The following SMARCA2 variants were observed in gnomAD, a reference collection of about 807,000 sequenced individuals.
SMARCA2 encodes SWI/SNF-related matrix-associated actin-dependent regulator of chromatin subfamily A member 2.
A neutral mutation model predicts 199.8 loss-of-function variants in SMARCA2; 61 were observed. The observed-to-expected ratio is 0.31, with a 90% confidence interval of 0.25 to 0.38. The LOEUF is 0.38. SMARCA2 is among the 10% of genes least tolerant of loss of function. SMARCA2 has a pLI of 1.00. For missense variants in SMARCA2, 1,344 were observed against 2,012.2 expected, an observed-to-expected ratio of 0.67 and a Z score of 6.35; for synonymous variants, 935 against 732.0, an observed-to-expected ratio of 1.28 and a Z score of -4.48.
Position 2,073,496 on chromosome 9 carries a change from C to G in SMARCA2, c.1878-70C>G. 2.1e-6 allele frequency: 3 copies of G among 1,455,924 alleles called. No homozygotes were observed. In the South Asian group the frequency reaches 3.6e-5, roughly 17 times the overall value. The allele number at this position is 1,455,924 out of a possible 1,614,324, so 90.2% of individuals were successfully genotyped here. On this transcript the variant is annotated intron_variant, in intron 11 of 33. Coordinates refer to ENST00000349721, the MANE Select transcript of SMARCA2 (RefSeq NM_003070.5). ...TTATACATAGAATGTGCTATTAAGTCATGTGTGTCTTTATTGTATTGTAAT... is the reference window on the plus strand; with the variant it reads ...TTATACATAGAATGTGCTATTAAGTGATGTGTGTCTTTATTGTATTGTAAT...
At chr9:2,135,416 T>C (rs372706313) in intron 27 of SMARCA2, among the ~76,000 whole-genome samples, 2 of 152,220 alleles carry the variant, frequency 1.3e-5, no homozygotes, top group African/African-American at 4.8e-5. Context: ...TGGGCATCCC[T>C]TAGCCCAGTC....
intron 9 of SMARCA2, among the ~76,000 whole-genome samples, chr9:2,066,499 C>A (rs950487097): frequency 6.6e-6 from 1 of 152,212 alleles, no homozygotes; most frequent in Non-Finnish European, 1.5e-5. Context: ...AAATTGGGAA[C>A]ACACACTGTC....
chr9:2,136,474 A>C (rs1824202145), intron 27 of SMARCA2, among the ~76,000 whole-genome samples: 1 of 152,130 alleles, frequency 6.6e-6, no homozygotes, highest in African/African-American at 2.4e-5. Context: ...AGGCGTGAAC[A>C]CTGTGCCTGG....
At chr9:2,076,529 T>G (rs531230682) in intron 13 of SMARCA2, among the ~76,000 whole-genome samples, 200 bp downstream of exon 13, 1 of 150,828 alleles carries the variant, frequency 6.6e-6, no homozygotes, top group Admixed American at 6.6e-5. Context: ...CTCCCTCCCT[T>G]CCTTCCTTCC....
chr9:2,022,950 C>A (rs1422511759), intron 1 of SMARCA2, among the ~76,000 whole-genome samples: 1 of 152,176 alleles, frequency 6.6e-6, no homozygotes, highest in African/African-American at 2.4e-5. Flanking sequence ...TTTATAACTA[C>A]TAATGGACAT....
intron 27 of SMARCA2, among the ~76,000 whole-genome samples, chr9:2,139,803 C>T (rs750203130): frequency 1.3e-5 from 2 of 152,096 alleles, no homozygotes; most frequent in African/African-American, 4.8e-5. Flanking sequence ...GGAAAAATAC[C>T]TGGTTATTGT....
intron 3 of SMARCA2, among the ~76,000 whole-genome samples, chr9:2,038,152 T>A (rs1001268140): frequency 1.3e-5 from 2 of 152,226 alleles, no homozygotes; most frequent in African/African-American, 2.4e-5. Flanking sequence ...TTGTATTAGA[T>A]CATGGAAAGG....
chr9:2,033,540 T>G (rs1235265167), intron 3 of SMARCA2, among the ~76,000 whole-genome samples: 1 of 152,240 alleles, frequency 6.6e-6, no homozygotes, highest in Non-Finnish European at 1.5e-5. Context: ...GTCCCTTGAA[T>G]TGCATGCTTA....
At chr9:2,084,064 G>C in intron 16 of SMARCA2, 22 bp from the exon 17 acceptor site, 2 of 1,307,458 alleles carry the variant, frequency 1.5e-6, no homozygotes, top group Non-Finnish European at 2.2e-6. Flanking sequence ...GATCATGCAT[G>C]TATTTTTTTC....
rs1380700883 is a variant in SMARCA2 at position 2,192,772 on chromosome 9, A to G, written c.*33A>G. The G allele has an allele frequency of 2.6e-6, 4 of 1,532,290 alleles. No homozygotes were observed. The highest frequency in any genetic ancestry group is 2.7e-5 in the African/African-American group (2 of 73,172). 94.9% of individuals were successfully genotyped at this position (1,532,290 alleles called of 1,614,324 possible). On this transcript the variant is annotated 3_prime_UTR_variant, in exon 34 of 34. Coordinates refer to ENST00000349721, the MANE Select transcript of SMARCA2 (RefSeq NM_003070.5). ...GGACCTTTTTCCTTGGTAGAACTGA[A>G]TTCCTTCCTCCCCTGTCTCATTTCT...
intron 10 of SMARCA2, among the ~76,000 whole-genome samples, chr9:2,071,853 A>G (rs537891713): frequency 6.8e-4 from 103 of 152,234 alleles, no homozygotes; most frequent in Non-Finnish European, 1.2e-3. Context: ...TCTTGAGTAT[A>G]TAGATGACCT....
At chr9:2,121,856 C>G (rs1823475263) in intron 26 of SMARCA2, among the ~76,000 whole-genome samples, 1 of 152,170 alleles carries the variant, frequency 6.6e-6, no homozygotes, top group Non-Finnish European at 1.5e-5. Context: ...ATTTTGCTAA[C>G]ATACAAACAT....
At chr9:2,054,052 G>T (rs548580260) in intron 5 of SMARCA2, among the ~76,000 whole-genome samples, 1 of 152,186 alleles carries the variant, frequency 6.6e-6, no homozygotes, top group Non-Finnish European at 1.5e-5. Flanking sequence ...CTGGCAGAGC[G>T]CTTTCTGAAT....
chr9:2,047,884 G>A (rs180765475), intron 5 of SMARCA2: 531 of 153,536 alleles, frequency 3.5e-3, no homozygotes, highest in Middle Eastern at 0.01. Context: ...TAATTCACGT[G>A]TGTCTATGCA....
At chr9:2,024,741 A>G (rs955313994) in intron 1 of SMARCA2, among the ~76,000 whole-genome samples, 2 of 152,042 alleles carry the variant, frequency 1.3e-5, no homozygotes, top group Non-Finnish European at 2.9e-5. Flanking sequence ...GTCATAGCTC[A>G]GTGTTGGGCT....
intron 19 of SMARCA2, among the ~76,000 whole-genome samples, chr9:2,095,146 C>T (rs552270254): frequency 2.0e-5 from 3 of 150,406 alleles, no homozygotes; most frequent in Non-Finnish European, 2.9e-5. Flanking sequence ...AGTGCAGTGG[C>T]GTGATCTCAG....
Position 2,076,298 on chromosome 9 carries a change from G to T in SMARCA2, c.2005G>T (p.Val669Phe). 6.2e-7 allele frequency: 1 copy of T among 1,610,926 alleles called. No individual in the cohort carries two copies. Among genetic ancestry groups the T allele is most frequent in the Non-Finnish European group, 8.5e-7 (1 of 1,177,058 alleles). ...KILLDPNSEE[V>F]SEKDAKQIIE... Reference sequence around the variant, plus strand: ...ACTCCTGGATCCAAATAGCGAAGAAGTTTCTGAGAAGGATGCTAAGCAGAT... The same window carrying T: ...ACTCCTGGATCCAAATAGCGAAGAATTTTCTGAGAAGGATGCTAAGCAGAT... The change falls in exon 13 of 34, where the codon GTT becomes TTT. Residue 669 changes from valine (V) to phenylalanine (F), a missense_variant. Val to Phe is a conservative substitution (Grantham distance 50). Around this residue, in one of 18 missense-constraint regions of SMARCA2, gnomAD observed 106 missense variants for 179.7 expected, o/e 0.59. Transcript: ENST00000349721.
chr9:2,030,487 G>A (rs1319015849), intron 2 of SMARCA2, among the ~76,000 whole-genome samples: 1 of 151,870 alleles, frequency 6.6e-6, no homozygotes, highest in Non-Finnish European at 1.5e-5. Context: ...CTGAGGGCAG[G>A]AGAAGACCCA....
chr9:2,141,802 A>G (rs533526387), intron 27 of SMARCA2, among the ~76,000 whole-genome samples: 2 of 152,178 alleles, frequency 1.3e-5, no homozygotes, highest in Non-Finnish European at 2.9e-5. Context: ...AGTTTAGTGA[A>G]AGTCAATCAC....
Sources: allele counts gnomAD v4.1 joint callset (sites outside exome capture counted in the v4.1 genomes callset), GRCh38; gene constraint gnomAD v4.1.1; regional missense constraint gnomAD v4.1.1; transcripts MANE v1.5; gene names NCBI Gene and HGNC (gene_info 2026-07-23, HGNC 2026-07-21).